The following STK17B variants were observed in gnomAD, a reference collection of about 807,000 sequenced individuals.
STK17B encodes serine/threonine kinase 17b, also known as serine/threonine-protein kinase 17B.
STK17B carries 21 observed loss-of-function variants against 42.0 expected under a neutral mutation model. The ratio of observed to expected loss-of-function variants is 0.50; its 90% confidence interval spans 0.35 to 0.72. The LOEUF (loss-of-function observed/expected upper bound fraction) is 0.72, where lower values mean the gene tolerates loss of function less well. STK17B is among the 30% of genes least tolerant of loss of function. The probability of loss-of-function intolerance (pLI) is 0.00; values close to 1 mark genes in which losing one functional copy is unlikely to be tolerated. For synonymous variants in STK17B, 143 were observed against 148.4 expected (o/e 0.96, Z 0.26); for missense variants, 349 against 446.0 (o/e 0.78, Z 1.96).
intron 3 of STK17B, among the ~76,000 whole-genome samples, chr2:196,155,654 A>C (rs1264407570): frequency 6.6e-6 from 1 of 152,208 alleles, no homozygotes; most frequent in Non-Finnish European, 1.5e-5. Context: ...AGGTATACTA[A>C]ACATAAATCT....
intron 1 of STK17B, chr2:196,170,816 C>A (rs1559418175): frequency 6.6e-6 from 1 of 152,238 alleles, no homozygotes; most frequent in Non-Finnish European, 1.5e-5. Context: ...GAAAACGTCC[C>A]ACAAGATGAA....
intron 7 of STK17B, among the ~76,000 whole-genome samples, chr2:196,139,059 C>T (rs967809463): frequency 1.3e-5 from 2 of 152,066 alleles, no homozygotes; most frequent in Non-Finnish European, 2.9e-5. Context: ...CTCTGCCTCC[C>T]GGATTCACGC....
At chr2:196,174,460 A>C (rs1474232802), upstream of STK17B, 1 of 152,314 alleles carries the variant, frequency 6.6e-6, no homozygotes, top group African/African-American at 2.4e-5. Flanking sequence ...CTCAAACTCA[A>C]AACTCTTGCC....
chr2:196,166,629 AT>A (rs921539716), intron 1 of STK17B, among the ~76,000 whole-genome samples: 1 of 152,192 alleles, frequency 6.6e-6, no homozygotes, highest in African/African-American at 2.4e-5. Context: ...TATCTCACTT[AT>A]TTTTAAAGAT....
intron 3 of STK17B, among the ~76,000 whole-genome samples, chr2:196,146,818 G>A (rs1255523417): frequency 6.6e-6 from 1 of 151,970 alleles, no homozygotes; most frequent in African/African-American, 2.4e-5. Flanking sequence ...AGTACAATTA[G>A]GTTAACAAAC....
At chr2:196,164,335 C>T (rs529981902) in intron 1 of STK17B, among the ~76,000 whole-genome samples, 2 of 152,148 alleles carry the variant, frequency 1.3e-5, no homozygotes, top group Admixed American at 1.3e-4. Flanking sequence ...ATGAAGTGCT[C>T]AATAATTTTG....
At chr2:196,159,030 A>G (rs1559414591) in intron 2 of STK17B, among the ~76,000 whole-genome samples, 1 of 152,006 alleles carries the variant, frequency 6.6e-6, no homozygotes, top group African/African-American at 2.4e-5. Flanking sequence ...AAAAACAAAA[A>G]AACAGTTTTG....
intron 2 of STK17B, among the ~76,000 whole-genome samples, chr2:196,160,587 T>C (rs775567871): frequency 6.6e-6 from 1 of 152,138 alleles, no homozygotes; most frequent in Admixed American, 6.5e-5. Context: ...CACAAAAGCA[T>C]AGGATATTAA....
chr2:196,149,698 TTG>T (rs1699636285), intron 3 of STK17B, among the ~76,000 whole-genome samples: 1 of 152,196 alleles, frequency 6.6e-6, no homozygotes, highest in Non-Finnish European at 1.5e-5. Flanking sequence ...GATCAAAATG[TTG>T]TCTCTAAAAG....
At chr2:196,174,104 C>T (rs1045238254), upstream of STK17B, 5 of 152,160 alleles carry the variant, frequency 3.3e-5, no homozygotes, top group Non-Finnish European at 7.4e-5. Flanking sequence ...CTCTAGCCTC[C>T]AGAACTGTCT....
rs71009075 is a variant in STK17B, at chr2:196,134,312, A to AGGTGGGGGGC, written c.*3125_*3134dup. On this transcript the variant is annotated 3_prime_UTR_variant, in exon 8 of 8. Coordinates refer to ENST00000263955, the MANE Select transcript of STK17B (RefSeq NM_004226.4). ...CCAGGCCACGACCGGGCTGCATAGA[A>AGGTGGGGGGC]GGTGGGGGGCGGTGCCAAGCATTAC... 96,654 of 151,366 alleles carry AGGTGGGGGGC rather than the reference A, an allele frequency of 0.64. 31,191 individuals carry two copies. Among genetic ancestry groups the AGGTGGGGGGC allele is most frequent in the East Asian group, 0.9 (4,641 of 5,140 alleles). 9.4% of individuals were successfully genotyped at this position (151,366 alleles called of 1,614,324 possible).
rs551098132 is a variant in STK17B at position 196,135,371 on chromosome 2, T to C, written c.*2076A>G. The C allele has an allele frequency of 2.0e-5, 3 of 152,366 alleles. No homozygotes were observed. In the South Asian group the frequency reaches 6.2e-4, roughly 32 times the overall value. The allele number at this position is 152,366 out of a possible 1,614,324, so 9.4% of individuals were successfully genotyped here. On this transcript the variant is annotated 3_prime_UTR_variant, in exon 8 of 8. Transcript: ENST00000263955. ...ATATACAAGGGCTCAATTTAGATTA[T>C]ACAACGTCTAGTTTATTGGACCAAC...
chr2:196,161,323 T>A (rs1402275760), intron 2 of STK17B, among the ~76,000 whole-genome samples: 1 of 151,832 alleles, frequency 6.6e-6, no homozygotes, highest in East Asian at 1.9e-4. Flanking sequence ...TTCTTCCTAT[T>A]ATAATGCAAA....
intron 5 of STK17B, among the ~76,000 whole-genome samples, chr2:196,141,598 G>A (rs1157318984): frequency 6.6e-6 from 1 of 152,204 alleles, no homozygotes. Flanking sequence ...GGCATAGGTT[G>A]CAGTGAGCTG....
chr2:196,164,895 TCTAA>T (rs1699858140), intron 1 of STK17B, among the ~76,000 whole-genome samples: 1 of 152,240 alleles, frequency 6.6e-6, no homozygotes, highest in African/African-American at 2.4e-5. Context: ...GGGAAACAGC[TCTAA>T]CTAGTTTTGG....
intron 3 of STK17B, 123 bp downstream of exon 3, chr2:196,156,316 C>T (rs1699737249): frequency 1.2e-5 from 10 of 827,662 alleles, no homozygotes; most frequent in Non-Finnish European, 1.8e-5. Context: ...AAATTAGGTC[C>T]CTTTTACATT....
intron 4 of STK17B, 21 bp downstream of exon 4, chr2:196,145,890 C>T: frequency 3.2e-6 from 5 of 1,545,252 alleles, no homozygotes; most frequent in Non-Finnish European, 4.3e-6. Flanking sequence ...TGTTGCATTA[C>T]TTTAAATCAC....
rs1280384852 is a variant in STK17B, at chr2:196,137,395, GGA to G, written c.*50_*51del. 3.2e-6 allele frequency: 5 copies of G among 1,553,806 alleles called. No homozygotes were observed. Among genetic ancestry groups the G allele is most frequent in the Non-Finnish European group, 4.4e-6 (5 of 1,142,612 alleles). On this transcript the variant is annotated 3_prime_UTR_variant, in exon 8 of 8. Coordinates refer to ENST00000263955, the MANE Select transcript of STK17B (RefSeq NM_004226.4). ...TGAAGCTACAAATCATAATCTCACT[GGA>G]GTGGATATAAAATTTCAAATTCAGT...
At chr2:196,170,065 A>G (rs1699920571) in intron 1 of STK17B, among the ~76,000 whole-genome samples, 1 of 152,204 alleles carries the variant, frequency 6.6e-6, no homozygotes, top group South Asian at 2.1e-4. Flanking sequence ...GTTTTCTTAA[A>G]AAATACACAA....
Sources: gnomAD v4.1 joint callset for allele counts (sites outside exome capture counted in the v4.1 genomes callset) on GRCh38, gnomAD v4.1.1 for gene constraint, MANE v1.5 for transcripts, NCBI Gene and HGNC (gene_info 2026-07-23, HGNC 2026-07-21) for gene names.